TRPC4: variants seen among roughly 807,000 people sequenced by gnomAD.
TRPC4 encodes the protein transient receptor potential cation channel subfamily C member 4, also known as short transient receptor potential channel 4.
Under a neutral mutation model 99.4 loss-of-function variants are expected in TRPC4, and 49 were observed. That is an observed-to-expected ratio of 0.49 (90% CI 0.39 to 0.63). TRPC4 has a LOEUF of 0.63. Ranked by LOEUF, TRPC4 falls within the 20% of genes least tolerant of loss-of-function variation. The probability of loss-of-function intolerance (pLI) is 0.00; values close to 1 mark genes in which losing one functional copy is unlikely to be tolerated. For missense variants in TRPC4, 898 were observed against 1,152.9 expected (o/e 0.78, Z 3.20); for synonymous variants, 454 against 425.9 (o/e 1.07, Z -0.81).
intron 2 of TRPC4, among the ~76,000 whole-genome samples, chr13:37,766,774 T>A (rs911659346): frequency 2.0e-5 from 3 of 151,430 alleles, no homozygotes; most frequent in South Asian, 2.1e-4. Flanking sequence ...CTTGACCACA[T>A]CATTCGCTAG....
intron 3 of TRPC4, among the ~76,000 whole-genome samples, chr13:37,724,364 A>G (rs1031998302): frequency 1.3e-5 from 2 of 152,192 alleles, no homozygotes; most frequent in African/African-American, 4.8e-5. Flanking sequence ...AATACATTCA[A>G]CAATAATTCC....
At chr13:37,718,846 G>A (rs1017951320) in intron 3 of TRPC4, among the ~76,000 whole-genome samples, 1 of 152,026 alleles carries the variant, frequency 6.6e-6, no homozygotes, top group Non-Finnish European at 1.5e-5. Flanking sequence ...AATGAGTCAG[G>A]AAAAGAATAT....
intron 1 of TRPC4, among the ~76,000 whole-genome samples, chr13:37,819,733 CT>C (rs1288856614): frequency 6.6e-6 from 1 of 151,644 alleles, no homozygotes; most frequent in Non-Finnish European, 1.5e-5. Flanking sequence ...AGGCTTAATA[CT>C]TGGGTGACAA....
chr13:37,745,458 A>ATATATGCGTATATATATATATATATGCG (rs1555265730), intron 3 of TRPC4, among the ~76,000 whole-genome samples: 4 of 6,584 alleles, frequency 6.1e-4, no homozygotes, highest in African/African-American at 1.6e-3. Flanking sequence ...ATATATATAT[A>ATATATGCGTATATATATATATATATGCG]TATATATATA....
chr13:37,750,025 T>C (rs539195007), intron 2 of TRPC4, among the ~76,000 whole-genome samples: 8 of 152,280 alleles, frequency 5.3e-5, no homozygotes, highest in African/African-American at 1.9e-4. Flanking sequence ...TACTCACAGA[T>C]TTAATGGTTA....
Position 37,663,621 on chromosome 13 carries a change from G to A in TRPC4, c.1483C>T (p.Leu495=). 1.2e-6 allele frequency: 2 copies of A among 1,614,166 alleles called. No individual in the cohort carries two copies. Among genetic ancestry groups the A allele is most frequent in the Non-Finnish European group, 1.7e-6 (2 of 1,180,014 alleles). Residue 495 remains leucine (L), a synonymous_variant, in exon 6 of 11, where the codon CTG becomes TTG. Coordinates refer to ENST00000379705, the MANE Select transcript of TRPC4 (RefSeq NM_016179.4). ...CCCAGGTGAGAATTTGCAGTAAACA[G>A]TGAGATCAGACGCAGAGAACTGAAG... ...NIFSSLRLIS[L]FTANSHLGPL...
intron 10 of TRPC4, among the ~76,000 whole-genome samples, chr13:37,638,344 A>C (rs865831279): frequency 6.6e-6 from 1 of 152,126 alleles, no homozygotes; most frequent in South Asian, 2.1e-4. Context: ...TTCCACCTGC[A>C]CTTTAAGTTT....
intron 1 of TRPC4, among the ~76,000 whole-genome samples, chr13:37,850,066 T>C (rs1959015683): frequency 6.6e-6 from 1 of 152,230 alleles, no homozygotes; most frequent in Non-Finnish European, 1.5e-5. Context: ...AATACAGTGT[T>C]TCCCACATCT....
Position 37,863,162 on chromosome 13 carries a change from A to T in TRPC4, c.-28+6433T>A, listed in dbSNP as rs552431795. Among the ~76,000 whole-genome samples, 85 of 151,624 alleles carry T rather than the reference A, an allele frequency of 5.6e-4. 1 individual carries two copies. Among genetic ancestry groups the T allele is most frequent in the African/African-American group, 2.0e-3 (82 of 41,484 alleles). On this transcript the variant is annotated intron_variant, in intron 1 of 10. Transcript: ENST00000379705. ...CGTGCAATGATGAAATTGCCTAATG[A>T]TGCCTTTCTCAGGACGTATTTGATG...
intron 1 of TRPC4, among the ~76,000 whole-genome samples, chr13:37,828,020 G>C (rs1274396147): frequency 1.3e-5 from 2 of 151,468 alleles, no homozygotes; most frequent in Admixed American, 6.6e-5. Context: ...ACTCGGGTGG[G>C]AGTGACCCGA....
intron 4 of TRPC4, among the ~76,000 whole-genome samples, chr13:37,690,584 T>G (rs1333741211): frequency 6.6e-6 from 1 of 152,202 alleles, no homozygotes; most frequent in East Asian, 1.9e-4. Context: ...CATGAGTCAC[T>G]GTGTCCTGCC....
chr13:37,855,274 T>G (rs936792020), intron 1 of TRPC4, among the ~76,000 whole-genome samples: 6 of 147,668 alleles, frequency 4.1e-5, no homozygotes, highest in African/African-American at 1.5e-4. Flanking sequence ...AAGGAGTCAA[T>G]CCAGCAACAG....
chr13:37,788,989 T>G (rs962873394), intron 1 of TRPC4, among the ~76,000 whole-genome samples: 5 of 152,236 alleles, frequency 3.3e-5, no homozygotes, highest in Admixed American at 1.3e-4. Context: ...TTACACGAGC[T>G]ACAGCAATAT....
At chr13:37,825,469 T>C (rs1958174449) in intron 1 of TRPC4, among the ~76,000 whole-genome samples, 1 of 152,202 alleles carries the variant, frequency 6.6e-6, no homozygotes, top group African/African-American at 2.4e-5. Context: ...TCTGTTATAT[T>C]GTGTCTTTGT....
intron 1 of TRPC4, among the ~76,000 whole-genome samples, chr13:37,854,462 T>C (rs1010210290): frequency 6.6e-6 from 1 of 152,082 alleles, no homozygotes; most frequent in Non-Finnish European, 1.5e-5. Flanking sequence ...ATGGTGTTGA[T>C]GATCAAGAAA....
chr13:37,813,765 G>T (rs1285233914), intron 1 of TRPC4, among the ~76,000 whole-genome samples: 1 of 151,796 alleles, frequency 6.6e-6, no homozygotes, highest in African/African-American at 2.4e-5. Context: ...AGTCTTCATA[G>T]ATAAATTCTA....
intron 7 of TRPC4, among the ~76,000 whole-genome samples, chr13:37,653,379 G>C (rs1464474994): frequency 4.6e-5 from 7 of 151,332 alleles, no homozygotes; most frequent in Admixed American, 6.6e-5. Flanking sequence ...ATGGCTCTGA[G>C]TTACAGTTAA....
intron 4 of TRPC4, among the ~76,000 whole-genome samples, chr13:37,680,489 C>T (rs1226577692): frequency 6.6e-6 from 1 of 152,172 alleles, no homozygotes; most frequent in Non-Finnish European, 1.5e-5. Flanking sequence ...ATCCTAACTG[C>T]ATAAATTGCC....
In TRPC4 at chr13:37,692,295, C is replaced by T. The variant is rs147415849; in HGVS notation, c.938G>A (p.Arg313His). The T allele has an allele frequency of 5.6e-6, 9 of 1,613,820 alleles. No homozygotes were observed. Among genetic ancestry groups the T allele is most frequent in the African/African-American group, 2.7e-5 (2 of 74,872 alleles). ...CCAGCCTGGAAACTCATCGTACCAG[C>T]GAGATGCCAGCAGCTGTTGACAATT... is the stretch of plus-strand genomic sequence containing the variant. Reference protein sequence around the residue: ...QPNCQQLLASRWYDEFPGWRR... With the variant: ...QPNCQQLLASHWYDEFPGWRR... The change falls in exon 4 of 11, where the codon CGC becomes CAC. Residue 313 changes from arginine to histidine, a missense_variant. Arg to His is a conservative substitution (Grantham distance 29). Transcript: ENST00000379705.
Sources: gnomAD v4.1 joint callset for allele counts (sites outside exome capture counted in the v4.1 genomes callset) on GRCh38, gnomAD v4.1.1 for gene constraint, MANE v1.5 for transcripts, NCBI Gene and HGNC (gene_info 2026-07-23, HGNC 2026-07-21) for gene names.